Variants in VAV3 observed in about 807,000 individuals in gnomAD.
The protein encoded by VAV3 is vav guanine nucleotide exchange factor 3.
A neutral mutation model predicts 131.2 loss-of-function variants in VAV3; 94 were observed. The observed-to-expected ratio is 0.72, with a 90% CI of 0.61 to 0.85. VAV3 has a LOEUF of 0.85. VAV3 is among the 40% of genes least tolerant of loss of function. The probability of loss-of-function intolerance (pLI) is 0.00; values close to 1 mark genes in which losing one functional copy is unlikely to be tolerated. For missense variants in VAV3, 939 were observed against 1,002.7 expected (o/e 0.94, Z 0.86); for synonymous variants, 349 against 342.0 (o/e 1.02, Z -0.22).
intron 2 of VAV3, among the ~76,000 whole-genome samples, chr1:107,793,797 C>T (rs1666413729): frequency 6.6e-6 from 1 of 152,148 alleles, no homozygotes; most frequent in African/African-American, 2.4e-5. Flanking sequence ...GTAGCTATAT[C>T]AGAGAAAGAA....
chr1:107,771,299 C>G (rs1311418177), intron 5 of VAV3, among the ~76,000 whole-genome samples: 1 of 149,302 alleles, frequency 6.7e-6, no homozygotes, highest in African/African-American at 2.5e-5. Context: ...GTCGCCCAGG[C>G]TGGACAGCAG....
At chr1:107,908,280 T>C (rs1470854321) in intron 1 of VAV3, among the ~76,000 whole-genome samples, 1 of 152,208 alleles carries the variant, frequency 6.6e-6, no homozygotes. Context: ...GATGTATACA[T>C]GGCTTCTGGG....
intron 25 of VAV3, among the ~76,000 whole-genome samples, chr1:107,591,487 C>T (rs935328616): frequency 2.0e-5 from 3 of 152,120 alleles, no homozygotes; most frequent in Non-Finnish European, 4.4e-5. Context: ...AGGTAAGGAA[C>T]GGATGGCTTC....
intron 15 of VAV3, among the ~76,000 whole-genome samples, chr1:107,732,388 C>G (rs943290863): frequency 6.7e-6 from 1 of 148,996 alleles, no homozygotes; most frequent in Non-Finnish European, 1.5e-5. Flanking sequence ...CCACAGAGGG[C>G]GAGCCAAAGC....
chr1:107,749,860 T>C (rs1663599576), intron 13 of VAV3, among the ~76,000 whole-genome samples: 1 of 151,976 alleles, frequency 6.6e-6, no homozygotes, highest in Non-Finnish European at 1.5e-5. Context: ...CACTGCAGAG[T>C]TGTTGAAAGG....
intron 2 of VAV3, among the ~76,000 whole-genome samples, chr1:107,783,697 G>C (rs1665824643): frequency 1.3e-5 from 2 of 151,992 alleles, no homozygotes; most frequent in African/African-American, 4.8e-5. Context: ...TAGGACCCCG[G>C]ACATAACTCC....
intron 1 of VAV3, among the ~76,000 whole-genome samples, chr1:107,928,670 C>T (rs769621143): frequency 4.0e-4 from 61 of 152,050 alleles, no homozygotes; most frequent in Admixed American, 3.2e-3. Flanking sequence ...AATTAGTGAG[C>T]TTGACAGCAG....
At chr1:107,832,594 T>C (rs1366052019) in intron 2 of VAV3, among the ~76,000 whole-genome samples, 7 of 152,244 alleles carry the variant, frequency 4.6e-5, no homozygotes, top group African/African-American at 1.7e-4. Flanking sequence ...TACTAAAGCT[T>C]ATTTTTTAAT....
At chr1:107,842,845 C>G (rs1668786236) in intron 2 of VAV3, among the ~76,000 whole-genome samples, 1 of 152,070 alleles carries the variant, frequency 6.6e-6, no homozygotes. Context: ...AGCTAAGAAA[C>G]AGTCTCTCCA....
At chr1:107,706,165 G>A (rs1054503634) in intron 15 of VAV3, among the ~76,000 whole-genome samples, 8 of 152,022 alleles carry the variant, frequency 5.3e-5, no homozygotes, top group Non-Finnish European at 5.9e-5. Context: ...GACGTTACAC[G>A]CAATTTGAGA....
intron 1 of VAV3, among the ~76,000 whole-genome samples, chr1:107,911,666 G>C (rs941959531): frequency 6.6e-6 from 1 of 152,226 alleles, no homozygotes. Context: ...ACTGCTGCTA[G>C]AGCAAGAAAA....
intron 2 of VAV3, among the ~76,000 whole-genome samples, chr1:107,788,162 A>G (rs1666115666): frequency 6.6e-6 from 1 of 151,810 alleles, no homozygotes; most frequent in Admixed American, 6.6e-5. Flanking sequence ...CAGGCCTACA[A>G]TTTCACTCCC....
intron 15 of VAV3, among the ~76,000 whole-genome samples, chr1:107,723,435 A>G (rs1245913809): frequency 7.5e-6 from 1 of 133,698 alleles, no homozygotes; most frequent in Admixed American, 8.4e-5. Context: ...CCCTCAAGTA[A>G]GTCCTCCACA....
intron 1 of VAV3, among the ~76,000 whole-genome samples, chr1:107,923,611 C>CA (rs1351345494): frequency 6.6e-6 from 1 of 151,994 alleles, no homozygotes; most frequent in Non-Finnish European, 1.5e-5. Flanking sequence ...GAAGGGAAAG[C>CA]AAAAACCTTC....
In VAV3 at chr1:107,875,301, T is replaced by C. The variant is rs796565242; in HGVS notation, c.205-284A>G. On this transcript the variant is annotated intron_variant, in intron 1 of 26. Coordinates refer to ENST00000370056, the MANE Select transcript of VAV3 (RefSeq NM_006113.5). ...AACAAACACAAATAAGCAAGTATTT[T>C]TACTTTCATATGGTGGTAAGTGCAA... Among the ~76,000 whole-genome samples the C allele has an allele frequency of 1.1e-4, 17 of 152,282 alleles. 1 individual carries two copies. Among genetic ancestry groups the C allele is most frequent in the African/African-American group, 3.6e-4 (15 of 41,568 alleles).
intron 8 of VAV3, 23 bp downstream of exon 8, chr1:107,766,423 CA>C (rs1255761053): frequency 3.1e-5 from 47 of 1,536,230 alleles, no homozygotes; most frequent in Non-Finnish European, 4.0e-5. Flanking sequence ...CTAAGACCCA[CA>C]AAACTTAAAC....
chr1:107,652,928 T>C (rs1477257459), intron 19 of VAV3, among the ~76,000 whole-genome samples: 1 of 152,116 alleles, frequency 6.6e-6, no homozygotes, highest in Non-Finnish European at 1.5e-5. Flanking sequence ...TCATCCTGAA[T>C]ACACTTTAAA....
At chr1:107,637,319 A>T (rs1655006671) in intron 20 of VAV3, among the ~76,000 whole-genome samples, 1 of 148,728 alleles carries the variant, frequency 6.7e-6, no homozygotes, top group African/African-American at 2.5e-5. Context: ...TTGTTTTATA[A>T]TTTTTTTTTT....
rs17019507 is a variant in VAV3, at chr1:107,601,018, C to T, written c.2220+1379G>A. On this transcript the variant is annotated intron_variant, in intron 24 of 26. Transcript: ENST00000370056. ...CTGCAGGTGAAAGCTCAAGCTGGTA[C>T]GTCTTGCAGAGATGTGGAGAGCCCC... Among the ~76,000 whole-genome samples the T allele has an allele frequency of 2.1e-3, 316 of 152,256 alleles. 3 individuals are homozygous for T. The East Asian group carries it at 0.025, about 12-fold the overall frequency.
Sources: allele counts gnomAD v4.1 joint callset (sites outside exome capture counted in the v4.1 genomes callset), GRCh38; gene constraint gnomAD v4.1.1; transcripts MANE v1.5; gene names NCBI Gene and HGNC (gene_info 2026-07-23, HGNC 2026-07-21).